MYH9: variants seen among roughly 807,000 people sequenced by gnomAD.
MYH9 encodes the protein myosin-9.
MYH9 carries 29 observed loss-of-function variants against 241.9 expected under a neutral mutation model. That is an observed-to-expected ratio of 0.12 (90% confidence interval 0.09 to 0.16). The LOEUF (loss-of-function observed/expected upper bound fraction) is 0.16, where lower values mean the gene tolerates loss of function less well. Ranked by LOEUF, MYH9 falls within the 10% of genes least tolerant of loss-of-function variation. The pLI is 1.00. For missense variants in MYH9, 1,803 were observed against 2,595.5 expected (o/e 0.69, Z 6.63); for synonymous variants, 1,047 against 1,062.6 (o/e 0.99, Z 0.29).
At chr22:36,361,824 C>T (rs1198472728) in intron 1 of MYH9, among the ~76,000 whole-genome samples, 5 of 152,220 alleles carry the variant, frequency 3.3e-5, no homozygotes, top group African/African-American at 1.2e-4. Context: ...GTAATCCCAA[C>T]ACTTTGGGAG....
intron 2 of MYH9, among the ~76,000 whole-genome samples, chr22:36,345,222 G>T (rs1013764886): frequency 2.0e-5 from 3 of 150,654 alleles, no homozygotes; most frequent in African/African-American, 7.3e-5. Flanking sequence ...TGAGGCAGGA[G>T]AATGGCGTGA....
intron 5 of MYH9, among the ~76,000 whole-genome samples, chr22:36,326,259 G>A (rs2017333658): frequency 6.6e-6 from 1 of 152,206 alleles, no homozygotes; most frequent in African/African-American, 2.4e-5. Context: ...CTGCCTTCCA[G>A]CCTCAGAAGG....
chr22:36,325,734 G>C (rs1030624755), intron 5 of MYH9, among the ~76,000 whole-genome samples: 1 of 152,218 alleles, frequency 6.6e-6, no homozygotes, highest in South Asian at 2.1e-4. Context: ...GCTATGGTGC[G>C]CTGTGGGGAA....
At chr22:36,350,397 C>G (rs6000247) in intron 1 of MYH9, among the ~76,000 whole-genome samples, 4,572 of 152,206 alleles carry the variant, frequency 0.03, 224 homozygotes, top group African/African-American at 0.1. Flanking sequence ...ATTAGCAGGG[C>G]GTGGTGGCGC....
chr22:36,336,340 G>A lies in MYH9; in HGVS notation c.490+5030C>T, dbSNP rs570608581. Among the ~76,000 whole-genome samples, 27 of 152,342 alleles carry A rather than the reference G, an allele frequency of 1.8e-4. No individual in the cohort carries two copies. In the South Asian group the frequency reaches 5.6e-3, roughly 32 times the overall value. ...GGGGAGACCCCAGAGGGTCTGGCCC[G>A]GGATCCAGAAGCACCATTTCCTAGG... On this transcript the variant is annotated intron_variant, in intron 3 of 40. Transcript: ENST00000216181.
chr22:36,376,064 C>G (rs2018162961), intron 1 of MYH9, among the ~76,000 whole-genome samples: 1 of 145,028 alleles, frequency 6.9e-6, no homozygotes, highest in Non-Finnish European at 1.5e-5. Flanking sequence ...CAGGTTCAAG[C>G]AATTCTCCTG....
At chr22:36,371,381 G>A (rs148387109) in intron 1 of MYH9, among the ~76,000 whole-genome samples, 1 of 152,290 alleles carries the variant, frequency 6.6e-6, no homozygotes, top group Non-Finnish European at 1.5e-5. Context: ...TTGGCAGACG[G>A]CCATCTATGA....
Position 36,288,724 on chromosome 22 carries a change from C to T in MYH9, c.4770+3G>A, listed in dbSNP as rs753859852. The T allele has an allele frequency of 7.5e-6, 12 of 1,602,032 alleles. No individual in the cohort carries two copies. Among genetic ancestry groups the T allele is most frequent in the South Asian group, 1.1e-5 (1 of 91,092 alleles). Reference sequence around the variant, plus strand: ...CCATGGGGTAGCAGGAGGCCATGCACACCTGTCTGACCAGCTGCTTCTTCT... The same window carrying T: ...CCATGGGGTAGCAGGAGGCCATGCATACCTGTCTGACCAGCTGCTTCTTCT... On this transcript the variant is annotated splice_donor_region_variant and intron_variant, in intron 33 of 40. Transcript: ENST00000216181. The surrounding 1 kb of genome is among the most constrained non-coding windows in gnomAD (Gnocchi z 4.8).
Position 36,320,432 on chromosome 22 carries a change from C to T in MYH9, c.869-69G>A. ...AGTGGAGGCTCCATCAGCGCTGTGA[C>T]CTCAAAGGTTGGAGAGACTGGGACA... On this transcript the variant is annotated intron_variant, in intron 8 of 40. Transcript: ENST00000216181. This position sits in a 1 kb window ranked among gnomAD's most constrained non-coding sequence, Gnocchi z 4.8. 1 of 1,592,190 alleles carries T rather than the reference C, an allele frequency of 6.3e-7. No individual in the cohort carries two copies. Among genetic ancestry groups the T allele is most frequent in the South Asian group, 1.1e-5 (1 of 90,680 alleles).
intron 1 of MYH9, among the ~76,000 whole-genome samples, chr22:36,353,004 C>T (rs530237065): frequency 4.4e-4 from 67 of 152,288 alleles, no homozygotes; most frequent in African/African-American, 1.6e-3. Flanking sequence ...ATGAAAGCCC[C>T]CTCGGCCACC....
At chr22:36,317,537 C>T (rs1419401503) in intron 11 of MYH9, among the ~76,000 whole-genome samples, 3 of 152,324 alleles carry the variant, frequency 2.0e-5, no homozygotes, top group Non-Finnish European at 2.9e-5. Flanking sequence ...CAGAAACAGC[C>T]GTGAGCTGTC....
At chr22:36,373,193 C>T (rs2018114996) in intron 1 of MYH9, among the ~76,000 whole-genome samples, 1 of 152,220 alleles carries the variant, frequency 6.6e-6, no homozygotes, top group African/African-American at 2.4e-5. Flanking sequence ...GCCCAAGTCT[C>T]CTGCCAATGG....
Position 36,295,418 on chromosome 22 carries a change from G to T in MYH9, c.3485+87C>A. ...AGGGCCACGGTGTGTGTGTGTGTGTGTGTGCAGAGGCCCGGGGTCCATGTC... is the reference window on the plus strand; with the variant it reads ...AGGGCCACGGTGTGTGTGTGTGTGTTTGTGCAGAGGCCCGGGGTCCATGTC... On this transcript the variant is annotated intron_variant, in intron 26 of 40. Coordinates refer to ENST00000216181, the MANE Select transcript of MYH9 (RefSeq NM_002473.6). The surrounding 1 kb of genome is among the most constrained non-coding windows in gnomAD (Gnocchi z 4.1). The T allele has an allele frequency of 9.6e-7, 1 of 1,037,312 alleles. No individual in the cohort carries two copies. The highest frequency in any genetic ancestry group is 1.5e-6 in the Non-Finnish European group (1 of 680,690). The allele number at this position is 1,037,312 out of a possible 1,614,324, so 64.3% of individuals were successfully genotyped here.
chr22:36,347,302 T>C (rs1364287507), intron 2 of MYH9, among the ~76,000 whole-genome samples: 1 of 151,830 alleles, frequency 6.6e-6, no homozygotes, highest in Non-Finnish European at 1.5e-5. Context: ...CTCAATACAC[T>C]TCCCCTTGGT....
chr22:36,305,246 A>G lies in MYH9; in HGVS notation c.2160-144T>C. On this transcript the variant is annotated intron_variant, in intron 17 of 40. Coordinates refer to ENST00000216181, the MANE Select transcript of MYH9 (RefSeq NM_002473.6). The surrounding 1 kb of genome is among the most constrained non-coding windows in gnomAD (Gnocchi z 4.7). ...AAACTCTCCTAAGGAAAGAAGACACAGGCAAATCCCACCCCACTCTTTTCT... is the reference window on the plus strand; with the variant it reads ...AAACTCTCCTAAGGAAAGAAGACACGGGCAAATCCCACCCCACTCTTTTCT... 1.3e-6 allele frequency: 1 copy of G among 777,966 alleles called. No individual in the cohort carries two copies. Among genetic ancestry groups the G allele is most frequent in the East Asian group, 2.7e-5 (1 of 36,398 alleles). The allele number at this position is 777,966 out of a possible 1,614,324, so 48.2% of individuals were successfully genotyped here. A position where few individuals can be genotyped will look rare whatever the true frequency, so the allele number is the denominator to read the frequency against.
At chr22:36,383,646 T>C (rs889999125) in intron 1 of MYH9, among the ~76,000 whole-genome samples, 38 of 134,114 alleles carry the variant, frequency 2.8e-4, no homozygotes, top group African/African-American at 8.2e-4. Context: ...TTAAGACTGA[T>C]CATTTATATT....
intron 15 of MYH9, among the ~76,000 whole-genome samples, chr22:36,307,065 T>C (rs763345649): frequency 6.6e-6 from 1 of 152,052 alleles, no homozygotes; most frequent in Admixed American, 6.5e-5. Context: ...GACCCTGTCA[T>C]AAGAGCACTC....
intron 15 of MYH9, among the ~76,000 whole-genome samples, chr22:36,308,629 C>T (rs539567793): frequency 3.9e-5 from 6 of 151,902 alleles, no homozygotes; most frequent in South Asian, 2.1e-4. Flanking sequence ...TACAGGCCGG[C>T]GATAGGCACA....
In MYH9 at chr22:36,293,911, C is replaced by T. The variant is rs1369245342; in HGVS notation, c.3838-48G>A. 5.8e-6 allele frequency: 9 copies of T among 1,548,022 alleles called. No individual in the cohort carries two copies. The highest frequency in any genetic ancestry group is 8.0e-6 in the Non-Finnish European group (9 of 1,129,728). The stretch of plus-strand genomic sequence containing the variant: ...AAGGACCATGGACCCACCCCCACTG[C>T]TCCTGCCCCACCTCATCTCCTTTAG... On this transcript the variant is annotated intron_variant, in intron 28 of 40. Transcript: ENST00000216181. This position sits in a 1 kb window ranked among gnomAD's most constrained non-coding sequence, Gnocchi z 5.1.
Sources: gnomAD v4.1 joint callset for allele counts (sites outside exome capture counted in the v4.1 genomes callset) on GRCh38, gnomAD v4.1.1 for gene constraint, Gnocchi (gnomAD v3.1) non-coding constraint, MANE v1.5 for transcripts, NCBI Gene and HGNC (gene_info 2026-07-23, HGNC 2026-07-21) for gene names.